TARS3: variants seen among roughly 807,000 people sequenced by gnomAD.
TARS3 encodes threonine--tRNA ligase 2, cytoplasmic.
Under a neutral mutation model 103.5 loss-of-function variants are expected in TARS3, and 94 were observed. The ratio of observed to expected loss-of-function variants is 0.91; its 90% CI spans 0.77 to 1.08. The LOEUF (loss-of-function observed/expected upper bound fraction) is 1.08, where lower values mean the gene tolerates loss of function less well. Ranked by LOEUF, TARS3 falls within the 50% of genes least tolerant of loss-of-function variation. The pLI, the probability that TARS3 is intolerant of heterozygous loss-of-function variation, is 0.00. For missense variants in TARS3, 952 were observed against 995.2 expected (o/e 0.96, Z 0.58); for synonymous variants, 416 against 355.4 (o/e 1.17, Z -1.92).
intron 3 of TARS3, 144 bp from the exon 4 acceptor site, chr15:101,715,107 T>C (rs987005885): frequency 1.2e-5 from 9 of 739,072 alleles, no homozygotes; most frequent in Non-Finnish European, 1.8e-5. Context: ...ATTTCTTGTT[T>C]TGCAATATTT....
intron 10 of TARS3, 92 bp from the exon 11 acceptor site, chr15:101,686,154 G>T: frequency 1.7e-6 from 2 of 1,186,340 alleles, no homozygotes; most frequent in Non-Finnish European, 1.2e-6. Flanking sequence ...TTCAAATTGG[G>T]CTCATGTCCT....
In TARS3 at chr15:101,724,187, G is replaced by A; in HGVS notation, c.201C>T (p.Arg67=). The change falls in exon 1 of 19, where the codon CGC becomes CGT. Residue 67 remains arginine, a synonymous_variant. Transcript: ENST00000335968. ...LRAENCDLRH[R]LCSLRLCLAE... ...CGAGGCACAGCCGCAGGCTGCACAG[G>A]CGGTGGCGCAGGTCGCAGTTCTCGG... 1 of 1,518,370 alleles carries A rather than the reference G, an allele frequency of 6.6e-7. No individual in the cohort carries two copies. The highest frequency in any genetic ancestry group is 8.8e-7 in the Non-Finnish European group (1 of 1,138,966). 94.1% of individuals were successfully genotyped at this position (1,518,370 alleles called of 1,614,324 possible). A position where few individuals can be genotyped will look rare whatever the true frequency, so the allele number is the denominator to read the frequency against.
chr15:101,687,801 C>G (rs1268866808), intron 10 of TARS3, among the ~76,000 whole-genome samples: 1 of 152,036 alleles, frequency 6.6e-6, no homozygotes, highest in African/African-American at 2.4e-5. Context: ...AGGGTAGAGC[C>G]CTCATGAATG....
At chr15:101,655,566 A>G (rs1396019945) in intron 18 of TARS3, among the ~76,000 whole-genome samples, 1 of 138,360 alleles carries the variant, frequency 7.2e-6, no homozygotes, top group Non-Finnish European at 1.5e-5. Context: ...ACTCACAGTG[A>G]CTCCACCTGG....
intron 13 of TARS3, among the ~76,000 whole-genome samples, chr15:101,671,987 G>T (rs1897825536): frequency 6.6e-6 from 1 of 152,160 alleles, no homozygotes; most frequent in Non-Finnish European, 1.5e-5. Flanking sequence ...TTTATAAATT[G>T]TTCCAGTGAA....
intron 4 of TARS3, among the ~76,000 whole-genome samples, chr15:101,712,390 G>C (rs1361362462): frequency 6.6e-6 from 1 of 152,188 alleles, no homozygotes; most frequent in Non-Finnish European, 1.5e-5. Flanking sequence ...GATGCTAGCT[G>C]TCTTCTTTTT....
intron 16 of TARS3, among the ~76,000 whole-genome samples, chr15:101,658,075 C>G (rs1392311842): frequency 6.6e-6 from 1 of 152,170 alleles, no homozygotes; most frequent in African/African-American, 2.4e-5. Context: ...GTAGAATGAG[C>G]TGGCAGACAG....
intron 5 of TARS3, among the ~76,000 whole-genome samples, chr15:101,709,724 C>T (rs1034033906): frequency 6.6e-6 from 1 of 152,222 alleles, no homozygotes; most frequent in Admixed American, 6.5e-5. Context: ...GGTTCCTTCA[C>T]TGCTGAATCA....
chr15:101,674,510 A>G (rs927328207), intron 13 of TARS3, among the ~76,000 whole-genome samples: 3 of 152,224 alleles, frequency 2.0e-5, no homozygotes, highest in African/African-American at 7.2e-5. Flanking sequence ...TTCCAGCCAC[A>G]GTGCATGAAC....
In TARS3 at chr15:101,701,115, T is replaced by G; in HGVS notation, c.1291A>C (p.Ile431Leu). Residue 431 changes from isoleucine to leucine, a missense_variant, in exon 10 of 19, where the codon ATT becomes CTT. Physicochemically the swap from Ile to Leu is conservative, Grantham distance 5. Around this residue, in one of 2 missense-constraint regions of TARS3, gnomAD observed 540 missense variants for 631.0 expected, o/e 0.86. Coordinates refer to ENST00000335968, the MANE Select transcript of TARS3 (RefSeq NM_152334.3). The part of the protein sequence containing the change: ...SCFFLPRGAF[I>L]YNTLTDFIRE... The stretch of plus-strand genomic sequence containing the variant: ...ATGAAATCTGTAAGCGTATTATAAA[T>G]GAAGGCTCCTCTGGGAAGGAAAAAA... 3 of 1,593,084 alleles carry G rather than the reference T, an allele frequency of 1.9e-6. No homozygotes were observed. The highest frequency in any genetic ancestry group is 2.3e-5 in the South Asian group (2 of 85,762).
At chr15:101,669,939 C>T (rs1364135750) in intron 15 of TARS3, among the ~76,000 whole-genome samples, 1 of 152,218 alleles carries the variant, frequency 6.6e-6, no homozygotes, top group Admixed American at 6.5e-5. Context: ...AAATAGTGGC[C>T]TGTTCTTACA....
intron 10 of TARS3, among the ~76,000 whole-genome samples, chr15:101,691,796 T>C (rs11852305): frequency 0.33 from 49,891 of 151,680 alleles, 8,912 homozygotes; most frequent in East Asian, 0.7. Flanking sequence ...TAGATATCTA[T>C]TTTGTATCCT....
chr15:101,692,907 A>G (rs1486728182), intron 10 of TARS3, among the ~76,000 whole-genome samples: 1 of 152,206 alleles, frequency 6.6e-6, no homozygotes, highest in African/African-American at 2.4e-5. Flanking sequence ...CTTGGTCTAG[A>G]AATTCACTCC....
At chr15:101,660,236 T>C (rs540427071) in intron 16 of TARS3, among the ~76,000 whole-genome samples, 2 of 152,342 alleles carry the variant, frequency 1.3e-5, no homozygotes, top group South Asian at 4.1e-4. Context: ...CTAAACTGCA[T>C]GAGCAGATGC....
chr15:101,687,228 C>A (rs62027596), intron 10 of TARS3, among the ~76,000 whole-genome samples: 3,542 of 152,060 alleles, frequency 0.023, 58 homozygotes, highest in Non-Finnish European at 0.038. Context: ...CATGATGAAA[C>A]CCCATCTCCA....
chr15:101,658,196 A>G (rs1897252620), intron 16 of TARS3, among the ~76,000 whole-genome samples: 1 of 152,040 alleles, frequency 6.6e-6, no homozygotes, highest in South Asian at 2.1e-4. Flanking sequence ...ACTAACGTCC[A>G]TAGCAGCTTT....
chr15:101,693,967 AAC>A (rs1898851559), intron 10 of TARS3, among the ~76,000 whole-genome samples: 3 of 152,246 alleles, frequency 2.0e-5, no homozygotes, highest in Admixed American at 2.0e-4. Context: ...CTGAGGTGAT[AAC>A]ACAGTTCTGC....
intron 15 of TARS3, among the ~76,000 whole-genome samples, chr15:101,665,016 G>C (rs1470497720): frequency 6.6e-6 from 1 of 152,236 alleles, no homozygotes; most frequent in Non-Finnish European, 1.5e-5. Flanking sequence ...TAAAGAGTTG[G>C]TGAATTTGAA....
At chr15:101,706,813 G>A (rs7169476) in intron 6 of TARS3, among the ~76,000 whole-genome samples, 92,544 of 152,048 alleles carry the variant, frequency 0.61, 29,162 homozygotes, top group East Asian at 0.95. Flanking sequence ...TAACTGTTTC[G>A]TATCTATATA....
Sources: gnomAD v4.1 joint callset for allele counts (sites outside exome capture counted in the v4.1 genomes callset) on GRCh38, gnomAD v4.1.1 for gene constraint, gnomAD v4.1.1 regional missense constraint, MANE v1.5 for transcripts, NCBI Gene and HGNC (gene_info 2026-07-23, HGNC 2026-07-21) for gene names.